Variants in USP15 observed in about 807,000 individuals in gnomAD.
The protein encoded by USP15 is ubiquitin carboxyl-terminal hydrolase 15.
USP15 carries 18 observed loss-of-function variants against 127.1 expected under a neutral mutation model. The ratio of observed to expected loss-of-function variants is 0.14; its 90% CI spans 0.10 to 0.21. The LOEUF is 0.21. Ranked by LOEUF, USP15 falls within the 10% of genes least tolerant of loss-of-function variation. USP15 has a pLI of 1.00. For synonymous variants in USP15, 364 were observed against 393.7 expected, an observed-to-expected ratio of 0.92 and a Z score of 0.89; for missense variants, 805 against 1,159.9, an observed-to-expected ratio of 0.69 and a Z score of 4.44.
chr12:62,265,474 G>A lies in USP15; in HGVS notation c.89+4971G>A, dbSNP rs2063170150. Among the ~76,000 whole-genome samples the A allele has an allele frequency of 1.3e-5, 2 of 152,198 alleles. 1 individual carries two copies. Among genetic ancestry groups the A allele is most frequent in the South Asian group, 4.1e-4 (2 of 4,834 alleles). On this transcript the variant is annotated intron_variant, in intron 1 of 21. Coordinates refer to ENST00000280377, the MANE Select transcript of USP15 (RefSeq NM_001252078.2). ...GGTTTTCACATAGTGGTATAGCTGG[G>A]ATTTGAACCCAAGTAGTTTAGGTCT...
chr12:62,303,397 A>G (rs2064376406), intron 3 of USP15: 1 of 152,736 alleles, frequency 6.5e-6, no homozygotes, highest in Non-Finnish European at 1.5e-5. Context: ...ATTGTAGTCT[A>G]GAAACATTAA....
intron 16 of USP15, 92 bp downstream of exon 16, chr12:62,391,521 G>A: frequency 1.4e-6 from 2 of 1,462,404 alleles, no homozygotes; most frequent in African/African-American, 1.5e-5. Flanking sequence ...GCTCTGTCAA[G>A]AAATATACCA....
rs75262051 is a variant in USP15 at position 62,267,428 on chromosome 12, T to C, written c.89+6925T>C. Among the ~76,000 whole-genome samples the C allele has an allele frequency of 2.1e-3, 319 of 152,220 alleles. 2 individuals carry two copies. Among genetic ancestry groups the C allele is most frequent in the African/African-American group, 7.3e-3 (303 of 41,564 alleles). The stretch of plus-strand genomic sequence containing the variant: ...AAGGAAATAAGTTCCAATTATAATA[T>C]AAAACAGAAAACCCCTGTAGGATTA... On this transcript the variant is annotated intron_variant, in intron 1 of 21. Transcript: ENST00000280377.
intron 6 of USP15, among the ~76,000 whole-genome samples, chr12:62,342,370 C>T (rs1228006198): frequency 2.0e-5 from 3 of 152,060 alleles, no homozygotes. Flanking sequence ...TGCTTTAGCT[C>T]AGAGGAGTTT....
At chr12:62,390,077 G>T (rs1383513386) in intron 14 of USP15, 89 bp downstream of exon 14, 24 of 1,251,748 alleles carry the variant, frequency 1.9e-5, no homozygotes, top group Non-Finnish European at 2.4e-5. Context: ...AGGTACTATT[G>T]GAATATAATT....
chr12:62,369,277 C>T (rs1218009596), intron 8 of USP15, among the ~76,000 whole-genome samples: 1 of 152,124 alleles, frequency 6.6e-6, no homozygotes, highest in African/African-American at 2.4e-5. Context: ...TCCATTATAA[C>T]TTATATGTTC....
At position 62,389,895 on chromosome 12, in the gene USP15, C is replaced by G; in HGVS notation, c.1751C>G (p.Thr584Ser). Residue 584 changes from threonine to serine, a missense_variant, in exon 14 of 22, where the codon ACT (threonine) becomes AGT (serine). Around this residue, in one of 11 missense-constraint regions of USP15, gnomAD observed 225 missense variants for 239.5 expected, o/e 0.94. Coordinates refer to ENST00000280377, the MANE Select transcript of USP15 (RefSeq NM_001252078.2). ...KFRHSSYTHH[T>S]GSSLFGQPFL... ...AGACACTCGAGTTATACCCACCATA[C>G]TGGTTCTTCACTTTTTGGTCAGCCC... 1 of 1,613,926 alleles carries G rather than the reference C, an allele frequency of 6.2e-7. No individual in the cohort carries two copies. Among genetic ancestry groups the G allele is most frequent in the Non-Finnish European group, 8.5e-7 (1 of 1,179,894 alleles).
intron 18 of USP15, among the ~76,000 whole-genome samples, chr12:62,392,679 G>A (rs2067360531): frequency 6.6e-6 from 1 of 152,056 alleles, no homozygotes; most frequent in African/African-American, 2.4e-5. Flanking sequence ...TTTGAGAGAA[G>A]CTTTTTAGGA....
rs548884881 is a variant in USP15 at position 62,416,100 on chromosome 12, A to G, written c.*11725A>G. 66 of 152,334 alleles carry G rather than the reference A, an allele frequency of 4.3e-4. No individual in the cohort carries two copies. The highest frequency in any genetic ancestry group is 1.5e-3 in the African/African-American group (61 of 41,578). The allele number at this position is 152,334 out of a possible 1,614,324, so 9.4% of individuals were successfully genotyped here. A position where few individuals can be genotyped will look rare whatever the true frequency, so the allele number is the denominator to read the frequency against. On this transcript the variant is annotated 3_prime_UTR_variant, in exon 22 of 22. Coordinates refer to ENST00000280377, the MANE Select transcript of USP15 (RefSeq NM_001252078.2). ...TCATCTAATTCCTCACTTGCCCTCA[A>G]ACATGTCATACTACTTGACAATGGG... is the stretch of plus-strand genomic sequence containing the variant.
At chr12:62,269,367 T>C (rs1041251713) in intron 1 of USP15, among the ~76,000 whole-genome samples, 5 of 152,048 alleles carry the variant, frequency 3.3e-5, no homozygotes, top group Non-Finnish European at 7.4e-5. Flanking sequence ...TGTGTGTGTG[T>C]GTATATATAT....
chr12:62,371,131 T>C (rs1196870416), intron 8 of USP15, among the ~76,000 whole-genome samples: 1 of 152,196 alleles, frequency 6.6e-6, no homozygotes, highest in Non-Finnish European at 1.5e-5. Flanking sequence ...GCAAATATGA[T>C]TATTATGTGT....
At chr12:62,344,130 A>G (rs979038688) in intron 6 of USP15, among the ~76,000 whole-genome samples, 2 of 152,174 alleles carry the variant, frequency 1.3e-5, no homozygotes, top group Admixed American at 1.3e-4. Context: ...TCATTTCAGC[A>G]TTAACTCAGA....
At chr12:62,282,247 G>C (rs911182524) in intron 1 of USP15, among the ~76,000 whole-genome samples, 1 of 152,086 alleles carries the variant, frequency 6.6e-6, no homozygotes, top group African/African-American at 2.4e-5. Context: ...AAGATCACTT[G>C]AGCCAGGGAG....
At chr12:62,315,130 G>T in intron 4 of USP15, 1 of 383,170 alleles carries the variant, frequency 2.6e-6, no homozygotes, top group South Asian at 1.2e-4. Context: ...GTGCTGTTTT[G>T]CTTTTTTATA....
chr12:62,357,800 A>G (rs2066178734), intron 8 of USP15, among the ~76,000 whole-genome samples: 1 of 152,116 alleles, frequency 6.6e-6, no homozygotes, highest in South Asian at 2.1e-4. Context: ...ATTGATTAAG[A>G]TGTCAGCTCT....
intron 8 of USP15, among the ~76,000 whole-genome samples, chr12:62,361,539 A>G (rs554723785): frequency 3.3e-5 from 5 of 152,164 alleles, no homozygotes; most frequent in African/African-American, 1.2e-4. Flanking sequence ...TACTTATTAG[A>G]TAGTATTGTA....
chr12:62,303,413 A>G (rs1489584097), intron 3 of USP15: 1 of 152,548 alleles, frequency 6.6e-6, no homozygotes, highest in East Asian at 1.9e-4. Flanking sequence ...ATTAAGAATA[A>G]CCAATTTCGT....
chr12:62,304,693 A>G (rs1327206034), intron 3 of USP15: 2 of 454,822 alleles, frequency 4.4e-6, no homozygotes, highest in Non-Finnish European at 8.8e-6. Flanking sequence ...CAAAGAATGG[A>G]CGAAAAGAAA....
intron 2 of USP15, among the ~76,000 whole-genome samples, chr12:62,301,696 T>C (rs1056778755): frequency 6.6e-6 from 1 of 152,174 alleles, no homozygotes; most frequent in Non-Finnish European, 1.5e-5. Flanking sequence ...AAGTAGACTA[T>C]AGTTGCAAAA....
Sources: allele counts gnomAD v4.1 joint callset (sites outside exome capture counted in the v4.1 genomes callset), GRCh38; gene constraint gnomAD v4.1.1; regional missense constraint gnomAD v4.1.1; transcripts MANE v1.5; gene names NCBI Gene and HGNC (gene_info 2026-07-23, HGNC 2026-07-21).